Variants in MBD3 observed in about 807,000 individuals in gnomAD.
MBD3 encodes the protein methyl-CpG-binding domain protein 3.
A neutral mutation model predicts 31.2 loss-of-function variants in MBD3; 13 were observed. That is an observed-to-expected ratio of 0.42 (90% CI 0.27 to 0.66). MBD3 has a LOEUF of 0.66. Ranked by LOEUF, MBD3 falls within the 30% of genes least tolerant of loss-of-function variation. The pLI is 0.26. For synonymous variants in MBD3, 223 were observed against 187.4 expected (o/e 1.19, Z -1.55); for missense variants, 440 against 426.5 (o/e 1.03, Z -0.28).
chr19:1,584,838 G>T, intron 2 of MBD3, 161 bp from the exon 3 acceptor site: 1 of 966,162 alleles, frequency 1.0e-6, no homozygotes, highest in Non-Finnish European at 1.4e-6. Context: ...CCGCAGGGTC[G>T]GTCCGGCCGG....
At position 1,581,289 on chromosome 19, in the gene MBD3, C is replaced by A. The variant is rs763211496; in HGVS notation, c.500-20G>T. On this transcript the variant is annotated intron_variant, in intron 4 of 6. Transcript: ENST00000434436. ...CCACCCCTGCCAGGCAGTGGACAAA[C>A]AGCCGCAAGTGGAGAGGTCACCACG... 6.2e-7 allele frequency: 1 copy of A among 1,601,620 alleles called. No homozygotes were observed. Among genetic ancestry groups the A allele is most frequent in the Non-Finnish European group, 8.5e-7 (1 of 1,179,336 alleles).
chr19:1,588,072 C>T (rs770500924), intron 1 of MBD3, among the ~76,000 whole-genome samples: 14 of 152,222 alleles, frequency 9.2e-5, no homozygotes, highest in Non-Finnish European at 1.9e-4. Flanking sequence ...CGCCTCTATC[C>T]AGGATCTATG....
Position 1,585,025 on chromosome 19 carries a change from C to T in MBD3, c.270+30G>A, listed in dbSNP as rs950146244. The T allele has an allele frequency of 4.4e-6, 7 of 1,607,700 alleles. No homozygotes were observed. Among genetic ancestry groups the T allele is most frequent in the Admixed American group, 1.7e-5 (1 of 59,940 alleles). On this transcript the variant is annotated intron_variant, in intron 2 of 6. Coordinates refer to ENST00000434436, the MANE Select transcript of MBD3 (RefSeq NM_001281453.2). The surrounding 1 kb of genome is among the most constrained non-coding windows in gnomAD (Gnocchi z 4.1). ...CGTCCCCGCCTAGAACGCCCCGCGC[C>T]GACGTCACCTGCGTGACGCCACCAC...
At chr19:1,588,232 G>C (rs2060688016) in intron 1 of MBD3, among the ~76,000 whole-genome samples, 1 of 152,238 alleles carries the variant, frequency 6.6e-6, no homozygotes, top group South Asian at 2.1e-4. Flanking sequence ...GAGGACAAGT[G>C]CCTGGGGGTC....
chr19:1,581,834 C>A (rs918273737), intron 4 of MBD3: 1 of 162,288 alleles, frequency 6.2e-6, no homozygotes, highest in African/African-American at 2.5e-5. Flanking sequence ...GTGGTGCGAT[C>A]TCGGCTCACT....
In MBD3 at chr19:1,575,114, G is replaced by A. The variant is rs757981315; in HGVS notation, c.*3050C>T. Reference sequence around the variant, plus strand: ...TGGTCTGAGGGGAGGCGGGGGACACGTGAGGCTCTTGCTGCTGCTGGCAAG... The same window carrying A: ...TGGTCTGAGGGGAGGCGGGGGACACATGAGGCTCTTGCTGCTGCTGGCAAG... On this transcript the variant is annotated 3_prime_UTR_variant, in exon 7 of 7. Transcript: ENST00000434436. 21 of 400,066 alleles carry A rather than the reference G, an allele frequency of 5.2e-5. No homozygotes were observed. Among genetic ancestry groups the A allele is most frequent in the South Asian group, 2.2e-4 (12 of 55,794 alleles). The allele number at this position is 400,066 out of a possible 1,614,324, so 24.8% of individuals were successfully genotyped here.
chr19:1,591,634 A>C (rs1307759126), intron 1 of MBD3, among the ~76,000 whole-genome samples: 1 of 152,010 alleles, frequency 6.6e-6, no homozygotes, highest in Non-Finnish European at 1.5e-5. Context: ...GCCACGGGAC[A>C]CTGAACCAAG....
At chr19:1,579,862 A>T (rs1200669514) in intron 5 of MBD3, among the ~76,000 whole-genome samples, 1 of 152,162 alleles carries the variant, frequency 6.6e-6, no homozygotes, top group East Asian at 1.9e-4. Context: ...GGCTCCAGTG[A>T]TTCTCCTGCC....
At chr19:1,591,871 C>T (rs1568279235) in intron 1 of MBD3, 2 of 152,260 alleles carry the variant, frequency 1.3e-5, no homozygotes, top group African/African-American at 4.8e-5. Context: ...CCAGTAACAT[C>T]CACGCAAAGA....
chr19:1,586,823 C>T (rs1371926349), intron 1 of MBD3, among the ~76,000 whole-genome samples: 3 of 151,972 alleles, frequency 2.0e-5, no homozygotes, highest in Admixed American at 6.6e-5. Flanking sequence ...CCCGCCACCA[C>T]ACCTGGCTGA....
rs1003009739 is a variant in MBD3 at position 1,577,606 on chromosome 19, G to A, written c.*558C>T. 2.0e-5 allele frequency: 3 copies of A among 152,484 alleles called. No individual in the cohort carries two copies. Among genetic ancestry groups the A allele is most frequent in the African/African-American group, 7.2e-5 (3 of 41,448 alleles). 9.4% of individuals were successfully genotyped at this position (152,484 alleles called of 1,614,324 possible). A position where few individuals can be genotyped will look rare whatever the true frequency, so the allele number is the denominator to read the frequency against. On this transcript the variant is annotated 3_prime_UTR_variant, in exon 7 of 7. Coordinates refer to ENST00000434436, the MANE Select transcript of MBD3 (RefSeq NM_001281453.2). ...TTTACTGAAGGAGAGCGGCCTCCTG[G>A]GCATGCCACTCAGGCACGGTGAGGC... is the stretch of plus-strand genomic sequence containing the variant.
intron 3 of MBD3, among the ~76,000 whole-genome samples, chr19:1,583,571 C>T (rs1228531475): frequency 6.6e-6 from 1 of 151,728 alleles, no homozygotes; most frequent in East Asian, 1.9e-4. Context: ...ATAAATACAA[C>T]AACTGGCCAG....
chr19:1,578,684 C>T lies in MBD3; in HGVS notation c.678-146G>A, dbSNP rs1917275276. The T allele has an allele frequency of 1.3e-6, 2 of 1,519,120 alleles. No homozygotes were observed. The highest frequency in any genetic ancestry group is 1.1e-5 in the South Asian group (1 of 88,326). 94.1% of individuals were successfully genotyped at this position (1,519,120 alleles called of 1,614,324 possible). A position where few individuals can be genotyped will look rare whatever the true frequency, so the allele number is the denominator to read the frequency against. On this transcript the variant is annotated intron_variant, in intron 5 of 6. Transcript: ENST00000434436. The surrounding 1 kb of genome is among the most constrained non-coding windows in gnomAD (Gnocchi z 6.1). Reference sequence around the variant, plus strand: ...GGACCAGCCCTGGCCCGTGCCACCCCTCCCTTCACAATCCACGCAGAGAAT... The same window carrying T: ...GGACCAGCCCTGGCCCGTGCCACCCTTCCCTTCACAATCCACGCAGAGAAT...
At chr19:1,584,354 C>G (rs1273577894) in intron 3 of MBD3, among the ~76,000 whole-genome samples, 186 bp downstream of exon 3, 2 of 152,024 alleles carry the variant, frequency 1.3e-5, no homozygotes, top group Non-Finnish European at 2.9e-5. Context: ...GAAGCTGGGA[C>G]CACAGGCGGG....
chr19:1,582,402 C>T (rs1273300426), intron 4 of MBD3, among the ~76,000 whole-genome samples: 1 of 152,156 alleles, frequency 6.6e-6, no homozygotes, highest in Non-Finnish European at 1.5e-5. Context: ...AAGCCCCACC[C>T]GCAGGGTCTC....
intron 5 of MBD3, among the ~76,000 whole-genome samples, chr19:1,580,164 G>A (rs368317429): frequency 6.6e-5 from 10 of 152,176 alleles, no homozygotes; most frequent in African/African-American, 2.2e-4. Context: ...TCTTCATTTC[G>A]GGAAGTTCTC....
intron 2 of MBD3, 141 bp from the exon 3 acceptor site, chr19:1,584,818 G>T (rs1211609636): frequency 3.0e-6 from 3 of 1,012,636 alleles, no homozygotes; most frequent in Admixed American, 7.3e-5. Flanking sequence ...ACGGTCCGGG[G>T]AGGCCGCTCC....
intron 1 of MBD3, among the ~76,000 whole-genome samples, chr19:1,586,988 C>T (rs1248464268): frequency 3.8e-4 from 50 of 130,444 alleles, no homozygotes; most frequent in African/African-American, 1.3e-3. Flanking sequence ...TTTTTTAAGA[C>T]GGAGTCTCGC....
chr19:1,584,385 T>G (rs1386757265), intron 3 of MBD3, among the ~76,000 whole-genome samples, 155 bp downstream of exon 3: 2 of 152,248 alleles, frequency 1.3e-5, no homozygotes, highest in African/African-American at 4.8e-5. Flanking sequence ...TCCAGCTAAT[T>G]TTTTACTTGT....
Sources: gnomAD v4.1 joint callset for allele counts (sites outside exome capture counted in the v4.1 genomes callset) on GRCh38, gnomAD v4.1.1 for gene constraint, Gnocchi (gnomAD v3.1) non-coding constraint, MANE v1.5 for transcripts, NCBI Gene and HGNC (gene_info 2026-07-23, HGNC 2026-07-21) for gene names.